The following RBFOX1 variants were observed in gnomAD, a reference collection of about 807,000 sequenced individuals.
RBFOX1 encodes the protein RNA binding protein fox-1 homolog 1.
Under a neutral mutation model 57.7 loss-of-function variants are expected in RBFOX1, and 8 were observed. The observed-to-expected ratio is 0.14, with a 90% CI of 0.08 to 0.25. The LOEUF (loss-of-function observed/expected upper bound fraction) is 0.25, where lower values mean the gene tolerates loss of function less well. Among genes scored for constraint, RBFOX1 ranks in the 10% least tolerant of loss-of-function variants. The pLI, the probability that RBFOX1 is intolerant of heterozygous loss-of-function variation, is 1.00. For synonymous variants in RBFOX1, 326 were observed against 222.4 expected (o/e 1.47, Z -4.15); for missense variants, 611 against 548.5 (o/e 1.11, Z -1.14).
At chr16:5,360,534 C>A (rs185607220) in intron 1 of RBFOX1, among the ~76,000 whole-genome samples, 5 of 152,146 alleles carry the variant, frequency 3.3e-5, no homozygotes, top group Non-Finnish European at 1.5e-5. Context: ...GCTACCTGGG[C>A]TGAGTCTAAT....
intron 3 of RBFOX1, among the ~76,000 whole-genome samples, chr16:5,773,063 G>C (rs2054032371): frequency 6.6e-6 from 1 of 152,062 alleles, no homozygotes; most frequent in South Asian, 2.1e-4. Flanking sequence ...GGACACCGTT[G>C]GGACTTTTGC....
chr16:6,763,449 C>G (rs2076913722), intron 3 of RBFOX1, among the ~76,000 whole-genome samples: 1 of 152,164 alleles, frequency 6.6e-6, no homozygotes, highest in Non-Finnish European at 1.5e-5. Flanking sequence ...GTACACCTGT[C>G]TTATTCATGG....
At chr16:7,068,366 T>C (rs954251986) in intron 4 of RBFOX1, among the ~76,000 whole-genome samples, 5 of 152,106 alleles carry the variant, frequency 3.3e-5, no homozygotes, top group Middle Eastern at 3.2e-3. Context: ...CATTTTCATA[T>C]AAAATATAGA....
chr16:6,496,119 GA>G (rs535350445), intron 2 of RBFOX1, among the ~76,000 whole-genome samples: 18 of 152,160 alleles, frequency 1.2e-4, no homozygotes, highest in Admixed American at 9.8e-4. Flanking sequence ...GTGTCTTGTA[GA>G]AAACGGTCAG....
intron 1 of RBFOX1, among the ~76,000 whole-genome samples, chr16:6,213,537 G>A (rs879376947): frequency 2.0e-5 from 3 of 152,164 alleles, no homozygotes; most frequent in South Asian, 2.1e-4. Context: ...GGCAGGTACC[G>A]CCTTCTGCTA....
intron 4 of RBFOX1, among the ~76,000 whole-genome samples, chr16:6,007,001 A>G (rs925769916): frequency 1.3e-5 from 2 of 151,502 alleles, no homozygotes; most frequent in African/African-American, 2.4e-5. Flanking sequence ...GGATGTGACA[A>G]TATGGATTTA....
At chr16:5,646,906 T>G (rs1462739722) in intron 3 of RBFOX1, among the ~76,000 whole-genome samples, 1 of 152,150 alleles carries the variant, frequency 6.6e-6, no homozygotes, top group African/African-American at 2.4e-5. Context: ...CTGCTGATAT[T>G]ACAGGCGTGA....
At chr16:5,363,250 G>T in intron 1 of RBFOX1, among the ~76,000 whole-genome samples, 1 of 144,802 alleles carries the variant, frequency 6.9e-6, no homozygotes. Flanking sequence ...TCGCCATGTT[G>T]GCAAGGCCGG....
chr16:6,047,706 C>A (rs916957388), intron 1 of RBFOX1, among the ~76,000 whole-genome samples: 4 of 152,174 alleles, frequency 2.6e-5, no homozygotes, highest in Non-Finnish European at 5.9e-5. Context: ...GATTTAGCTA[C>A]CATGACAGTG....
rs149506168 is a variant in RBFOX1, at chr16:6,569,519, A to C, written c.-63-85084A>C. 7.1e-4 allele frequency among the ~76,000 whole-genome samples: 108 copies of C among 152,344 alleles called. 1 individual carries two copies. The highest frequency in any genetic ancestry group is 2.5e-3 in the African/African-American group (104 of 41,586). ...CCTTCACTAGATGGAAGTGTCCTAG[A>C]CAGACCTCTGAGACGAAGTCAGTCT... On this transcript the variant is annotated intron_variant, in intron 2 of 15. Transcript: ENST00000550418.
intron 1 of RBFOX1, among the ~76,000 whole-genome samples, chr16:6,155,249 C>T (rs1015115633): frequency 1.3e-5 from 2 of 152,128 alleles, no homozygotes; most frequent in African/African-American, 2.4e-5. Flanking sequence ...GGAGACAAGC[C>T]CTAGGAGACT....
chr16:6,607,107 A>C (rs1034009343), intron 2 of RBFOX1, among the ~76,000 whole-genome samples: 5 of 152,164 alleles, frequency 3.3e-5, no homozygotes, highest in Non-Finnish European at 7.3e-5. Context: ...CTACTGACTA[A>C]TAGTCCCTGA....
At chr16:6,289,302 A>G (rs932731742) in intron 1 of RBFOX1, among the ~76,000 whole-genome samples, 1 of 152,020 alleles carries the variant, frequency 6.6e-6, no homozygotes, top group Non-Finnish European at 1.5e-5. Context: ...GGAAGGGTGG[A>G]TATAGGTGTT....
At position 7,291,903 on chromosome 16, in the gene RBFOX1, A is replaced by G. The variant is rs552128524; in HGVS notation, c.28-226244A>G. On this transcript the variant is annotated intron_variant, in intron 4 of 15. Transcript: ENST00000550418. The stretch of plus-strand genomic sequence containing the variant: ...TATAAAATATATAATGTACTATATA[A>G]TGTATTATATATAATATATAATGTA... Among the ~76,000 whole-genome samples the G allele has an allele frequency of 1.3e-4, 11 of 81,732 alleles. No individual in the cohort carries two copies. In the East Asian group the frequency reaches 4.0e-3, roughly 30 times the overall value. 53.6% of individuals were successfully genotyped at this position (81,732 alleles called of 152,430 possible). A position where few individuals can be genotyped will look rare whatever the true frequency, so the allele number is the denominator to read the frequency against.
At chr16:5,371,054 T>G (rs1411788807) in intron 1 of RBFOX1, among the ~76,000 whole-genome samples, 2 of 152,018 alleles carry the variant, frequency 1.3e-5, no homozygotes, top group Admixed American at 6.5e-5. Context: ...TTCAGGCGAT[T>G]CTCCTGCCTT....
At chr16:7,457,839 G>C (rs1344881381) in intron 4 of RBFOX1, among the ~76,000 whole-genome samples, 5 of 152,090 alleles carry the variant, frequency 3.3e-5, no homozygotes, top group African/African-American at 9.6e-5. Context: ...TAGCATCTTT[G>C]ATATGATCCA....
chr16:5,996,377 T>C (rs1312251301), intron 4 of RBFOX1, among the ~76,000 whole-genome samples: 2 of 152,112 alleles, frequency 1.3e-5, no homozygotes, highest in African/African-American at 4.8e-5. Flanking sequence ...GGGACAAGCA[T>C]TGGGTTCCCC....
At chr16:5,598,612 T>C (rs2047265021) in intron 2 of RBFOX1, among the ~76,000 whole-genome samples, 1 of 152,204 alleles carries the variant, frequency 6.6e-6, no homozygotes, top group East Asian at 1.9e-4. Flanking sequence ...ATGAGGTGTT[T>C]TATATTCATT....
chr16:6,067,400 C>T (rs1414356973), intron 1 of RBFOX1, among the ~76,000 whole-genome samples: 2 of 152,004 alleles, frequency 1.3e-5, no homozygotes, highest in Non-Finnish European at 2.9e-5. Flanking sequence ...AACAAACAAA[C>T]AAACAAACAC....
Sources: gnomAD v4.1 joint callset for allele counts (sites outside exome capture counted in the v4.1 genomes callset) on GRCh38, gnomAD v4.1.1 for gene constraint, MANE v1.5 for transcripts, NCBI Gene and HGNC (gene_info 2026-07-23, HGNC 2026-07-21) for gene names.